The following MTREX variants were observed in gnomAD, a reference collection of about 807,000 sequenced individuals.
The protein encoded by MTREX is Mtr4 exosome RNA helicase.
MTREX carries 76 observed loss-of-function variants against 135.4 expected under a neutral mutation model. The observed-to-expected ratio is 0.56, with a 90% CI of 0.47 to 0.68. MTREX has a LOEUF of 0.68. MTREX is among the 30% of genes least tolerant of loss of function. MTREX has a pLI of 0.00. For synonymous variants in MTREX, 404 were observed against 401.6 expected (o/e 1.01, Z -0.07); for missense variants, 920 against 1,262.1 (o/e 0.73, Z 4.11).
At chr5:55,396,644 A>C (rs961920843) in intron 19 of MTREX, among the ~76,000 whole-genome samples, 14 of 152,232 alleles carry the variant, frequency 9.2e-5, no homozygotes, top group Non-Finnish European at 2.1e-4. Context: ...TAGAAAGGTT[A>C]GATAATTTGT....
intron 4 of MTREX, among the ~76,000 whole-genome samples, chr5:55,328,007 T>C (rs1749411089): frequency 6.6e-6 from 1 of 152,130 alleles, no homozygotes; most frequent in African/African-American, 2.4e-5. Flanking sequence ...TCTCAACCTT[T>C]TAAAAGAATG....
chr5:55,379,747 G>T (rs1242142365), intron 18 of MTREX, among the ~76,000 whole-genome samples: 2 of 152,168 alleles, frequency 1.3e-5, no homozygotes, highest in Non-Finnish European at 2.9e-5. Context: ...TTGGAAGTGT[G>T]ACATTGAGTG....
At chr5:55,309,227 G>A (rs1436312937) in intron 1 of MTREX, among the ~76,000 whole-genome samples, 1 of 152,176 alleles carries the variant, frequency 6.6e-6, no homozygotes, top group East Asian at 1.9e-4. Flanking sequence ...ATAAGACTGG[G>A]AATATACATT....
At chr5:55,420,281 G>T (rs1474762947) in intron 25 of MTREX, among the ~76,000 whole-genome samples, 1 of 152,216 alleles carries the variant, frequency 6.6e-6, no homozygotes, top group African/African-American at 2.4e-5. Context: ...ATGCCAGAAA[G>T]CTGAAGGCAG....
At chr5:55,386,599 T>C (rs764110957) in intron 18 of MTREX, among the ~76,000 whole-genome samples, 1 of 152,270 alleles carries the variant, frequency 6.6e-6, no homozygotes, top group African/African-American at 2.4e-5. Context: ...TTTTAGTAGC[T>C]CTGCAAAAAT....
rs1179262695 is a variant in MTREX at position 55,338,395 on chromosome 5, G to C, written c.516-1615G>C. ...AGCCTTAATTATGTTGTTCTCTTAT[G>C]TATTGAGTTTTTCTGTTGTGGTTTT... On this transcript the variant is annotated intron_variant, in intron 5 of 26. Transcript: ENST00000230640. Among the ~76,000 whole-genome samples the C allele has an allele frequency of 3.9e-5, 6 of 152,106 alleles. No homozygotes were observed. The East Asian group carries it at 1.2e-3, about 29-fold the overall frequency.
At chr5:55,315,027 G>A (rs559202943) in intron 1 of MTREX, among the ~76,000 whole-genome samples, 19 of 152,270 alleles carry the variant, frequency 1.2e-4, no homozygotes, top group Non-Finnish European at 2.2e-4. Flanking sequence ...CTGCCCAGGG[G>A]TTGGGGGCCC....
chr5:55,316,013 C>T (rs1373232371), intron 1 of MTREX, among the ~76,000 whole-genome samples: 2 of 152,100 alleles, frequency 1.3e-5, no homozygotes, highest in Non-Finnish European at 2.9e-5. Flanking sequence ...AACACCTCTA[C>T]ACACACAAAC....
intron 15 of MTREX, among the ~76,000 whole-genome samples, chr5:55,359,582 T>C (rs1458118597): frequency 1.3e-5 from 2 of 152,222 alleles, no homozygotes; most frequent in Non-Finnish European, 2.9e-5. Flanking sequence ...AAAGCTTGTC[T>C]GTACATATTC....
chr5:55,380,152 G>A (rs1210813823), intron 18 of MTREX, among the ~76,000 whole-genome samples: 3 of 151,724 alleles, frequency 2.0e-5, no homozygotes, highest in African/African-American at 7.3e-5. Context: ...GTGTTAGGCA[G>A]GATGGTCTCG....
At chr5:55,419,280 T>C (rs1185486877) in intron 25 of MTREX, among the ~76,000 whole-genome samples, 1 of 152,248 alleles carries the variant, frequency 6.6e-6, no homozygotes, top group African/African-American at 2.4e-5. Context: ...TTGTTCCTAA[T>C]AAGATTCTTA....
chr5:55,317,032 A>G (rs1305587766), intron 1 of MTREX, among the ~76,000 whole-genome samples: 1 of 151,930 alleles, frequency 6.6e-6, no homozygotes, highest in Non-Finnish European at 1.5e-5. Flanking sequence ...CACAATTGCC[A>G]CACACCTCCC....
chr5:55,322,288 G>A (rs758666736), intron 1 of MTREX, 39 bp from the exon 2 acceptor site: 3 of 1,548,464 alleles, frequency 1.9e-6, no homozygotes, highest in South Asian at 2.5e-5. Flanking sequence ...AAGTAAAAGT[G>A]GATACTGCAG....
chr5:55,414,247 T>G lies in MTREX; in HGVS notation c.2808+9T>G, dbSNP rs1412158490. On this transcript the variant is annotated intron_variant, in intron 24 of 26. Coordinates refer to ENST00000230640, the MANE Select transcript of MTREX (RefSeq NM_015360.5). ...CACTTCGTCAAATGCAGGTAAGGTT[T>G]TTTTTTTTTTTTTTTGAACTACATA... 14 of 1,402,354 alleles carry G rather than the reference T, an allele frequency of 1.0e-5. No homozygotes were observed. Among genetic ancestry groups the G allele is most frequent in the Admixed American group, 2.6e-5 (1 of 38,510 alleles). 86.9% of individuals were successfully genotyped at this position (1,402,354 alleles called of 1,614,324 possible).
At chr5:55,324,342 GGGGC>G in intron 3 of MTREX, 144 bp downstream of exon 3, 1 of 388,542 alleles carries the variant, frequency 2.6e-6, no homozygotes. Context: ...TGGAAGAGTT[GGGGC>G]TTTGTAATTA....
intron 5 of MTREX, among the ~76,000 whole-genome samples, chr5:55,338,268 A>G (rs1049944698): frequency 6.6e-6 from 1 of 152,140 alleles, no homozygotes; most frequent in African/African-American, 2.4e-5. Flanking sequence ...GTGTCACTGG[A>G]TATAGAGTTC....
At chr5:55,318,439 G>A (rs62359227) in intron 1 of MTREX, among the ~76,000 whole-genome samples, 20,701 of 152,182 alleles carry the variant, frequency 0.14, 1,740 homozygotes, top group East Asian at 0.26. Context: ...TTATGCAGCC[G>A]TGAAAAAGAA....
chr5:55,347,936 G>C (rs1749764650), intron 11 of MTREX, among the ~76,000 whole-genome samples: 1 of 152,120 alleles, frequency 6.6e-6, no homozygotes, highest in South Asian at 2.1e-4. Context: ...AAAACCATCA[G>C]ATCTCATGAG....
chr5:55,347,092 G>A lies in MTREX; in HGVS notation c.1188G>A (p.Lys396=). ...CTGTGATTATTTTCAGTTTTAGTAA[G>A]AAAGATTGTGAAGCCTATGCACTTC... ...FQPVIIFSFS[K]KDCEAYALQM... The change falls in exon 11 of 27, where the codon AAG becomes AAA. Residue 396 remains lysine, a synonymous_variant. Coordinates refer to ENST00000230640, the MANE Select transcript of MTREX (RefSeq NM_015360.5). 1.2e-6 allele frequency: 2 copies of A among 1,608,926 alleles called. No homozygotes were observed. Among genetic ancestry groups the A allele is most frequent in the Non-Finnish European group, 1.7e-6 (2 of 1,177,412 alleles).
Sources: allele counts gnomAD v4.1 joint callset (sites outside exome capture counted in the v4.1 genomes callset), GRCh38; gene constraint gnomAD v4.1.1; transcripts MANE v1.5; gene names NCBI Gene and HGNC (gene_info 2026-07-23, HGNC 2026-07-21).